Variants in TBC1D30 observed in about 807,000 individuals in gnomAD.
TBC1D30 encodes the protein TBC1 domain family member 30, also known as TBC1 domain family, member 30.
In TBC1D30, 31 loss-of-function variants were observed where a neutral mutation model predicts 63.2. The ratio of observed to expected loss-of-function variants is 0.49; its 90% CI spans 0.37 to 0.66. The LOEUF is 0.66. Among genes scored for constraint, TBC1D30 ranks in the 30% least tolerant of loss-of-function variants. The pLI is 0.00. For synonymous variants in TBC1D30, 307 were observed against 361.5 expected (o/e 0.85, Z 1.71); for missense variants, 810 against 953.6 (o/e 0.85, Z 1.98).
At chr12:64,865,631 G>A (rs1370714882) in intron 9 of TBC1D30, among the ~76,000 whole-genome samples, 2 of 152,110 alleles carry the variant, frequency 1.3e-5, no homozygotes, top group Admixed American at 6.5e-5. Context: ...TGAAGCAGGA[G>A]GATCACTTGA....
At chr12:64,828,570 C>A in intron 3 of TBC1D30, 61 bp downstream of exon 3, 1 of 1,093,392 alleles carries the variant, frequency 9.1e-7, no homozygotes, top group African/African-American at 1.6e-5. Flanking sequence ...TTTAGAGCCT[C>A]TGGAATGTCA....
At chr12:64,785,294 A>C (rs1871504550) in intron 1 of TBC1D30, among the ~76,000 whole-genome samples, 1 of 151,986 alleles carries the variant, frequency 6.6e-6, no homozygotes, top group African/African-American at 2.4e-5. Context: ...GATTACAGGC[A>C]TGTGCCACCA....
intron 8 of TBC1D30, among the ~76,000 whole-genome samples, chr12:64,860,319 A>T (rs1877681534): frequency 6.6e-6 from 1 of 151,576 alleles, no homozygotes; most frequent in Non-Finnish European, 1.5e-5. Flanking sequence ...TGCTTGGCTA[A>T]TTTTTTTTAA....
chr12:64,821,688 T>A (rs1384984627), upstream of TBC1D30, among the ~76,000 whole-genome samples: 1 of 152,220 alleles, frequency 6.6e-6, no homozygotes, highest in East Asian at 1.9e-4. Flanking sequence ...TTCCTATGGC[T>A]CTCAGTACAA....
chr12:64,778,700 A>G (rs1271824799), upstream of TBC1D30, among the ~76,000 whole-genome samples: 2 of 151,690 alleles, frequency 1.3e-5, no homozygotes, highest in African/African-American at 2.4e-5. Flanking sequence ...TAATTTTTGT[A>G]TTTTTAGTAG....
upstream of TBC1D30, among the ~76,000 whole-genome samples, chr12:64,823,299 G>T (rs1219662644): frequency 6.6e-6 from 1 of 152,060 alleles, no homozygotes; most frequent in Non-Finnish European, 1.5e-5. Context: ...TATTTGCTCT[G>T]GGAATATGTA....
exon 1 of TBC1D30, chr12:64,781,205 G>C: frequency 9.1e-7 from 1 of 1,102,818 alleles, no homozygotes; most frequent in South Asian, 2.0e-5. Flanking sequence ...CGGCCGCAGC[G>C]GTGCCGGCGA....
exon 1 of TBC1D30, chr12:64,780,681 C>A (rs996118541): frequency 1.1e-6 from 1 of 903,094 alleles, no homozygotes; most frequent in African/African-American, 1.8e-5. Context: ...CTCGGGGATC[C>A]AGAGCCCGCT....
intron 8 of TBC1D30, among the ~76,000 whole-genome samples, chr12:64,864,349 G>A (rs1046620478): frequency 4.6e-5 from 7 of 152,154 alleles, no homozygotes; most frequent in Non-Finnish European, 8.8e-5. Flanking sequence ...GAAGACATAG[G>A]GAGCTGTGGA....
intron 8 of TBC1D30, among the ~76,000 whole-genome samples, chr12:64,854,397 CT>C (rs1877124109): frequency 2.0e-5 from 3 of 152,042 alleles, no homozygotes. Context: ...TGTCCCTCTG[CT>C]TTTTAACTCC....
intron 1 of TBC1D30, among the ~76,000 whole-genome samples, chr12:64,766,800 A>AAAC (rs1261085231): frequency 6.6e-6 from 1 of 152,184 alleles, no homozygotes; most frequent in Non-Finnish European, 1.5e-5. Flanking sequence ...CTAGGCCATA[A>AAAC]AACAAACCTC....
chr12:64,776,727 A>C (rs1394081201), upstream of TBC1D30, among the ~76,000 whole-genome samples: 1 of 152,228 alleles, frequency 6.6e-6, no homozygotes, highest in Non-Finnish European at 1.5e-5. Context: ...CAAAAAGTTG[A>C]AAAGAAGGGA....
At chr12:64,772,237 C>CA (rs747871090) in intron 1 of TBC1D30, among the ~76,000 whole-genome samples, 4,040 of 48,608 alleles carry the variant, frequency 0.083, 173 homozygotes, top group African/African-American at 0.17. Flanking sequence ...AACTCTGTCT[C>CA]AAAAAAAAAA....
rs1186654360 is a variant in TBC1D30, at chr12:64,767,804, G to C, written c.-376+8155G>C. Among the ~76,000 whole-genome samples the C allele has an allele frequency of 7.8e-4, 96 of 122,656 alleles. 4 individuals carry two copies. In the Middle Eastern group the frequency reaches 0.012, roughly 15 times the overall value. The allele number at this position is 122,656 out of a possible 152,430, so 80.5% of individuals were successfully genotyped here. ...ATGCTCCGGCGGGGGGGGGGGGAGGGGGGGGAGATAGGCTCTATGAAAATT... is the reference window on the plus strand; with the variant it reads ...ATGCTCCGGCGGGGGGGGGGGGAGGCGGGGGAGATAGGCTCTATGAAAATT... On this transcript the variant is annotated intron_variant, in intron 1 of 13. Coordinates refer to the TBC1D30 transcript ENST00000674237.
intron 11 of TBC1D30, among the ~76,000 whole-genome samples, chr12:64,872,562 G>T (rs967627817): frequency 6.6e-6 from 1 of 152,138 alleles, no homozygotes; most frequent in Admixed American, 6.5e-5. Flanking sequence ...CAGATCATTT[G>T]GGGATCTGCT....
chr12:64,769,181 A>G (rs1291239698), intron 1 of TBC1D30, among the ~76,000 whole-genome samples: 2 of 151,962 alleles, frequency 1.3e-5, no homozygotes, highest in Non-Finnish European at 2.9e-5. Context: ...AAGAAATTTT[A>G]GTACATGTAG....
intron 2 of TBC1D30, among the ~76,000 whole-genome samples, chr12:64,788,304 T>A (rs1339446072): frequency 6.6e-6 from 1 of 152,112 alleles, no homozygotes; most frequent in East Asian, 1.9e-4. Flanking sequence ...GATTTACACA[T>A]GTCAAGTTAA....
At chr12:64,829,361 G>A (rs1390817948) in intron 3 of TBC1D30, among the ~76,000 whole-genome samples, 2 of 152,174 alleles carry the variant, frequency 1.3e-5, no homozygotes, top group East Asian at 3.8e-4. Flanking sequence ...TATTTTGAAG[G>A]CTGAGCTTAC....
intron 7 of TBC1D30, 71 bp from the exon 8 acceptor site, chr12:64,843,309 C>T: frequency 1.5e-6 from 2 of 1,312,690 alleles, no homozygotes; most frequent in East Asian, 2.5e-5. Flanking sequence ...ATATCTTATA[C>T]CTGCAGCATG....
Sources: gnomAD v4.1 joint callset for allele counts (sites outside exome capture counted in the v4.1 genomes callset) on GRCh38, gnomAD v4.1.1 for gene constraint, MANE v1.5 for transcripts, NCBI Gene and HGNC (gene_info 2026-07-23, HGNC 2026-07-21) for gene names.